Variants in SLC2A13 observed in about 807,000 individuals in gnomAD.
The protein encoded by SLC2A13 is proton myo-inositol cotransporter.
A neutral mutation model predicts 64.4 loss-of-function variants in SLC2A13; 32 were observed. The observed-to-expected ratio is 0.50, with a 90% CI of 0.37 to 0.67. The LOEUF (loss-of-function observed/expected upper bound fraction) is 0.67, where lower values mean the gene tolerates loss of function less well. SLC2A13 is among the 30% of genes least tolerant of loss of function. SLC2A13 has a pLI of 0.00. For missense variants in SLC2A13, 743 were observed against 829.2 expected (o/e 0.90, Z 1.28); for synonymous variants, 338 against 327.1 (o/e 1.03, Z -0.36).
intron 4 of SLC2A13, among the ~76,000 whole-genome samples, chr12:39,910,230 T>C (rs1945397868): frequency 6.6e-6 from 1 of 152,114 alleles, no homozygotes; most frequent in South Asian, 2.1e-4. Flanking sequence ...TGCATGTCCA[T>C]CTTTAATAAT....
intron 2 of SLC2A13, among the ~76,000 whole-genome samples, chr12:40,032,661 GTCTCTTCC>G (rs1947922920): frequency 6.6e-6 from 1 of 152,320 alleles, no homozygotes; most frequent in East Asian, 1.9e-4. Context: ...CAAGCCTGCT[GTCTCTTCC>G]ATCAGATGGC....
chr12:39,932,431 G>A (rs1400235594), intron 4 of SLC2A13, among the ~76,000 whole-genome samples: 4 of 152,220 alleles, frequency 2.6e-5, no homozygotes, highest in East Asian at 1.9e-4. Flanking sequence ...AATCATCAAC[G>A]TCAACATCTG....
At chr12:40,052,620 A>G (rs1163053406) in intron 1 of SLC2A13, among the ~76,000 whole-genome samples, 4 of 152,148 alleles carry the variant, frequency 2.6e-5, no homozygotes, top group African/African-American at 9.7e-5. Context: ...ATGCTATTAT[A>G]TTCTTCAAGA....
intron 3 of SLC2A13, among the ~76,000 whole-genome samples, chr12:39,978,425 C>A (rs571136351): frequency 1.3e-5 from 2 of 152,220 alleles, no homozygotes; most frequent in Admixed American, 6.5e-5. Flanking sequence ...GTTCATCACA[C>A]TGGGGAGTGC....
At chr12:39,895,759 C>T (rs200722545) in intron 4 of SLC2A13, among the ~76,000 whole-genome samples, 755 of 14,474 alleles carry the variant, frequency 0.052, 139 homozygotes, top group Non-Finnish European at 0.076. Context: ...TGCGTGTATA[C>T]GTACACACAT....
chr12:39,829,475 C>T (rs912080724), intron 7 of SLC2A13: 1 of 88,446 alleles, frequency 1.1e-5, no homozygotes, highest in African/African-American at 5.6e-5. Flanking sequence ...GGTTTGATCT[C>T]AGCTCACTGC....
intron 3 of SLC2A13, among the ~76,000 whole-genome samples, chr12:39,952,949 C>T (rs1392135181): frequency 1.3e-5 from 2 of 151,776 alleles, no homozygotes; most frequent in Non-Finnish European, 2.9e-5. Context: ...TTAATCAAAA[C>T]TTTCAAATAA....
At chr12:39,899,221 T>G (rs1326515955) in intron 4 of SLC2A13, among the ~76,000 whole-genome samples, 4 of 152,192 alleles carry the variant, frequency 2.6e-5, no homozygotes, top group African/African-American at 9.7e-5. Flanking sequence ...AGGGTGTATG[T>G]GTCGAGGAAT....
At chr12:40,092,184 A>G (rs1426986037) in intron 1 of SLC2A13, among the ~76,000 whole-genome samples, 1 of 152,260 alleles carries the variant, frequency 6.6e-6, no homozygotes, top group Non-Finnish European at 1.5e-5. Flanking sequence ...ATTAAAAACT[A>G]GAACAGTAAA....
intron 7 of SLC2A13, among the ~76,000 whole-genome samples, chr12:39,823,053 A>G (rs1428449387): frequency 6.6e-6 from 1 of 152,234 alleles, no homozygotes; most frequent in East Asian, 1.9e-4. Flanking sequence ...GTAACAGCCT[A>G]GAGGCATGTG....
chr12:40,020,367 G>A (rs1032075706), intron 3 of SLC2A13, among the ~76,000 whole-genome samples: 16 of 152,108 alleles, frequency 1.1e-4, no homozygotes, highest in Admixed American at 5.2e-4. Context: ...GAGTTCTCAC[G>A]AGCTCTGACG....
In SLC2A13 at chr12:39,890,536, C is replaced by T. The variant is rs1030591939; in HGVS notation, c.1035-18575G>A. 1.2e-4 allele frequency among the ~76,000 whole-genome samples: 18 copies of T among 152,176 alleles called. No homozygotes were observed. The South Asian group carries it at 2.9e-3, about 25-fold the overall frequency. ...GCATGAGAGTCTTAATAGTAGAAGACGGAGGCAGAAGTAAATCTATCTGAC... is the reference window on the plus strand; with the variant it reads ...GCATGAGAGTCTTAATAGTAGAAGATGGAGGCAGAAGTAAATCTATCTGAC... On this transcript the variant is annotated intron_variant, in intron 4 of 9. Transcript: ENST00000280871.
At chr12:40,079,689 C>T (rs1264585528) in intron 1 of SLC2A13, among the ~76,000 whole-genome samples, 1 of 152,174 alleles carries the variant, frequency 6.6e-6, no homozygotes, top group East Asian at 1.9e-4. Context: ...CTAACACTGT[C>T]AGTGACATGT....
At chr12:39,826,854 A>AT (rs63699664) in intron 7 of SLC2A13, among the ~76,000 whole-genome samples, 21,979 of 67,744 alleles carry the variant, frequency 0.32, 3,844 homozygotes, top group Non-Finnish European at 0.4. Flanking sequence ...GTCTCTTTCA[A>AT]TTTTTTTTTT....
intron 5 of SLC2A13, among the ~76,000 whole-genome samples, chr12:39,870,451 T>C (rs1156360899): frequency 1.3e-5 from 2 of 152,168 alleles, no homozygotes; most frequent in Non-Finnish European, 2.9e-5. Context: ...ATAGCTCTGA[T>C]TATTGGGGAT....
At chr12:40,060,674 C>T (rs1019612085) in intron 1 of SLC2A13, among the ~76,000 whole-genome samples, 16 of 152,212 alleles carry the variant, frequency 1.1e-4, no homozygotes, top group African/African-American at 3.9e-4. Context: ...ATCCTCATTG[C>T]ACAATCAACT....
chr12:40,080,246 A>G (rs1938343919), intron 1 of SLC2A13, among the ~76,000 whole-genome samples: 1 of 152,110 alleles, frequency 6.6e-6, no homozygotes, highest in African/African-American at 2.4e-5. Context: ...TGCTTGATAG[A>G]TCTTTCTCCA....
At chr12:39,897,549 G>T (rs975923153) in intron 4 of SLC2A13, among the ~76,000 whole-genome samples, 2 of 152,164 alleles carry the variant, frequency 1.3e-5, no homozygotes, top group Non-Finnish European at 2.9e-5. Context: ...GTGTGGGGAT[G>T]GAAATGTTTT....
intron 3 of SLC2A13, among the ~76,000 whole-genome samples, chr12:40,007,200 C>T (rs1947437289): frequency 6.6e-6 from 1 of 152,152 alleles, no homozygotes; most frequent in African/African-American, 2.4e-5. Flanking sequence ...GAAGGGAACT[C>T]ATTCATAATT....
Sources: allele counts gnomAD v4.1 joint callset (sites outside exome capture counted in the v4.1 genomes callset), GRCh38; gene constraint gnomAD v4.1.1; transcripts MANE v1.5; gene names NCBI Gene and HGNC (gene_info 2026-07-23, HGNC 2026-07-21).